Variants in EPB41L3 observed in about 807,000 individuals in gnomAD.
EPB41L3 encodes erythrocyte membrane protein band 4.1 like 3, also known as band 4.1-like protein 3.
EPB41L3 carries 57 observed loss-of-function variants against 127.1 expected under a neutral mutation model. The ratio of observed to expected loss-of-function variants is 0.45; its 90% CI spans 0.36 to 0.56. The LOEUF (loss-of-function observed/expected upper bound fraction) is 0.56. Ranked by LOEUF, EPB41L3 falls within the 20% of genes least tolerant of loss-of-function variation. The pLI, the probability that EPB41L3 is intolerant of heterozygous loss-of-function variation, is 0.00. For synonymous variants in EPB41L3, 572 were observed against 549.5 expected, an observed-to-expected ratio of 1.04 and a Z score of -0.57; for missense variants, 1,273 against 1,372.2, an observed-to-expected ratio of 0.93 and a Z score of 1.14.
At chr18:5,498,568 T>C (rs1433084082) in intron 1 of EPB41L3, among the ~76,000 whole-genome samples, 1 of 106,612 alleles carries the variant, frequency 9.4e-6, no homozygotes, top group Non-Finnish European at 1.7e-5. Context: ...AACTCCTGCC[T>C]GGGTAACAAG....
At chr18:5,404,479 C>A (rs1239102857) in intron 16 of EPB41L3, among the ~76,000 whole-genome samples, 2 of 152,240 alleles carry the variant, frequency 1.3e-5, no homozygotes, top group South Asian at 2.1e-4. Flanking sequence ...CCTTTCCTGG[C>A]GTTCTCCAGT....
intron 3 of EPB41L3, among the ~76,000 whole-genome samples, chr18:5,608,411 G>A (rs574664261): frequency 1.1e-3 from 171 of 152,222 alleles, no homozygotes; most frequent in South Asian, 2.9e-3. Flanking sequence ...GAAAGAGTCC[G>A]GAAAAAGAGA....
chr18:5,630,227 G>T (rs1180915806), upstream of EPB41L3: 1 of 371,128 alleles, frequency 2.7e-6, no homozygotes, highest in African/African-American at 2.2e-5. Context: ...CGGCCAGGCA[G>T]CCCCCGGTCG....
intron 13 of EPB41L3, among the ~76,000 whole-genome samples, chr18:5,413,872 C>T (rs1026040685): frequency 4.6e-5 from 7 of 152,198 alleles, no homozygotes; most frequent in African/African-American, 1.2e-4. Flanking sequence ...TCCAATCACA[C>T]GTTCGCTAGC....
At chr18:5,393,880 T>TCTG (rs1479526483) in intron 22 of EPB41L3, 3 of 175,014 alleles carry the variant, frequency 1.7e-5, no homozygotes, top group Non-Finnish European at 3.6e-5. Context: ...ACTGCTGCAT[T>TCTG]CAGCATTCAA....
intron 1 of EPB41L3, among the ~76,000 whole-genome samples, chr18:5,502,434 T>G (rs575304472): frequency 1.1e-4 from 17 of 152,344 alleles, no homozygotes; most frequent in Admixed American, 3.3e-4. Flanking sequence ...TTGATAATTT[T>G]TTTAACTACT....
At chr18:5,501,298 A>C (rs1013808946) in intron 1 of EPB41L3, among the ~76,000 whole-genome samples, 10 of 152,134 alleles carry the variant, frequency 6.6e-5, no homozygotes, top group African/African-American at 2.4e-4. Context: ...TGAATGAATG[A>C]ATGAATGAAT....
intron 22 of EPB41L3, chr18:5,394,039 A>G (rs1348064809): frequency 6.5e-6 from 1 of 153,378 alleles, no homozygotes; most frequent in African/African-American, 2.4e-5. Context: ...CAGGACCACA[A>G]GACTGCATTT....
intron 3 of EPB41L3, among the ~76,000 whole-genome samples, chr18:5,553,306 G>C (rs916996268): frequency 6.6e-6 from 1 of 152,006 alleles, no homozygotes; most frequent in African/African-American, 2.4e-5. Flanking sequence ...AATTCTATGA[G>C]GTAGGAACTA....
upstream of EPB41L3, among the ~76,000 whole-genome samples, chr18:5,549,095 G>A (rs767310574): frequency 6.6e-6 from 1 of 152,216 alleles, no homozygotes; most frequent in Non-Finnish European, 1.5e-5. Context: ...TTATTAACTT[G>A]TTAATGCTAT....
chr18:5,603,386 GC>G (rs2094610556), intron 3 of EPB41L3, among the ~76,000 whole-genome samples: 1 of 152,184 alleles, frequency 6.6e-6, no homozygotes, highest in Non-Finnish European at 1.5e-5. Flanking sequence ...TGCAGGCTCA[GC>G]CCTGGAACGG....
chr18:5,424,838 T>C (rs888297417), intron 9 of EPB41L3, among the ~76,000 whole-genome samples: 1 of 152,218 alleles, frequency 6.6e-6, no homozygotes, highest in Non-Finnish European at 1.5e-5. Flanking sequence ...ATTTCTTAGG[T>C]AGTTGATAAC....
intron 12 of EPB41L3, 131 bp downstream of exon 12, chr18:5,419,580 C>T: frequency 8.0e-7 from 1 of 1,251,560 alleles, no homozygotes. Context: ...TAAAAATTGA[C>T]ATATGAATGT....
At chr18:5,619,124 C>G (rs2094831457) in intron 1 of EPB41L3, among the ~76,000 whole-genome samples, 1 of 152,102 alleles carries the variant, frequency 6.6e-6, no homozygotes, top group South Asian at 2.1e-4. Flanking sequence ...AAGGACAACT[C>G]CACAAGAATG....
At chr18:5,568,549 G>C (rs1240871518) in intron 3 of EPB41L3, among the ~76,000 whole-genome samples, 1 of 151,918 alleles carries the variant, frequency 6.6e-6, no homozygotes, top group African/African-American at 2.4e-5. Flanking sequence ...TAGCCACATT[G>C]CTAGGGGCCC....
rs745419936 is a variant in EPB41L3 at position 5,489,102 on chromosome 18, G to A, written c.82C>T (p.Arg28Cys). Residue 28 changes from arginine to cysteine, a missense_variant, in exon 2 of 23, where the codon CGC becomes TGC. By Grantham distance (180) the Arg-to-Cys change is radical (BLOSUM62 -3). Around this residue, in one of 3 missense-constraint regions of EPB41L3, gnomAD observed 182 missense variants for 149.2 expected, o/e 1.22. Coordinates refer to ENST00000341928, the MANE Select transcript of EPB41L3 (RefSeq NM_012307.5). ...EPQEAAGAQG[R>C]AGAPVPEPPK... ...GGCTCCGGCACGGGCGCCCCCGCGC[G>A]CCCCTGCGCCCCCGCCGCCTCCTGG... is the stretch of plus-strand genomic sequence containing the variant. The A allele has an allele frequency of 1.3e-6, 2 of 1,592,130 alleles. No individual in the cohort carries two copies. Among genetic ancestry groups the A allele is most frequent in the South Asian group, 1.1e-5 (1 of 89,282 alleles).
At chr18:5,464,631 C>A (rs1180079682) in intron 3 of EPB41L3, among the ~76,000 whole-genome samples, 2 of 152,116 alleles carry the variant, frequency 1.3e-5, no homozygotes, top group Non-Finnish European at 2.9e-5. Context: ...AAAACCCAGA[C>A]TAACATAGAA....
chr18:5,548,025 G>A (rs1238911703), upstream of EPB41L3, among the ~76,000 whole-genome samples: 3 of 152,154 alleles, frequency 2.0e-5, no homozygotes, highest in African/African-American at 4.8e-5. Context: ...CACTCATTTG[G>A]CCTCATTTAT....
At chr18:5,445,311 T>C (rs1001721470) in intron 3 of EPB41L3, 67 bp from the exon 4 acceptor site, 40 of 1,223,202 alleles carry the variant, frequency 3.3e-5, no homozygotes, top group Admixed American at 1.4e-4. Flanking sequence ...ATATCAGAGA[T>C]AAAACCAGGT....
Sources: gnomAD v4.1 joint callset for allele counts (sites outside exome capture counted in the v4.1 genomes callset) on GRCh38, gnomAD v4.1.1 for gene constraint, gnomAD v4.1.1 regional missense constraint, MANE v1.5 for transcripts, NCBI Gene and HGNC (gene_info 2026-07-23, HGNC 2026-07-21) for gene names.